The following PTK2 variants were observed in gnomAD, a reference collection of about 807,000 sequenced individuals.
PTK2 encodes the protein protein tyrosine kinase 2.
A neutral mutation model predicts 150.1 loss-of-function variants in PTK2; 45 were observed. That is an observed-to-expected ratio of 0.30 (90% CI 0.24 to 0.38). PTK2 has a LOEUF of 0.38. Among genes scored for constraint, PTK2 ranks in the 10% least tolerant of loss-of-function variants. PTK2 has a pLI of 1.00. For synonymous variants in PTK2, 432 were observed against 449.2 expected, an observed-to-expected ratio of 0.96 and a Z score of 0.48; for missense variants, 919 against 1,307.3, an observed-to-expected ratio of 0.70 and a Z score of 4.58.
At chr8:140,754,428 C>A (rs938041515) in intron 16 of PTK2, among the ~76,000 whole-genome samples, 8 of 152,128 alleles carry the variant, frequency 5.3e-5, no homozygotes, top group Admixed American at 2.0e-4. Flanking sequence ...CTTTTTCTAG[C>A]TAAATATGAG....
At chr8:140,689,519 T>C (rs1331859449) in intron 26 of PTK2, among the ~76,000 whole-genome samples, 4 of 152,220 alleles carry the variant, frequency 2.6e-5, no homozygotes, top group African/African-American at 7.2e-5. Flanking sequence ...AAAATATGAA[T>C]AGTCCATTGA....
At chr8:140,686,783 A>G (rs367725957) in intron 26 of PTK2, 89 bp from the exon 30 acceptor site, 15 of 1,104,106 alleles carry the variant, frequency 1.4e-5, no homozygotes, top group East Asian at 5.1e-5. Flanking sequence ...CCTTTTTAAC[A>G]CAATTGTCCT....
At chr8:140,871,356 T>C (rs1294960485) in intron 4 of PTK2, among the ~76,000 whole-genome samples, 2 of 152,226 alleles carry the variant, frequency 1.3e-5, no homozygotes, top group African/African-American at 4.8e-5. Context: ...GTTTACATAA[T>C]TGGTGACTGG....
At chr8:140,980,557 G>A (rs1033433229) in intron 1 of PTK2, among the ~76,000 whole-genome samples, 6 of 152,174 alleles carry the variant, frequency 3.9e-5, no homozygotes, top group Non-Finnish European at 7.4e-5. Context: ...GGGAGGCGGA[G>A]GTTGCAGTGA....
At chr8:140,847,757 T>C (rs1225070624) in intron 5 of PTK2, among the ~76,000 whole-genome samples, 5 of 152,210 alleles carry the variant, frequency 3.3e-5, no homozygotes, top group Non-Finnish European at 7.3e-5. Context: ...TGACCCTTTA[T>C]ATAAAAAGTG....
chr8:140,677,980 A>G lies in PTK2; in HGVS notation c.2563-2481T>C, dbSNP rs138816791. 2.4e-3 allele frequency among the ~76,000 whole-genome samples: 342 copies of G among 142,170 alleles called. 1 individual carries two copies. Among genetic ancestry groups the G allele is most frequent in the African/African-American group, 7.3e-3 (297 of 40,814 alleles). The allele number at this position is 142,170 out of a possible 152,430, so 93.3% of individuals were successfully genotyped here. A position where few individuals can be genotyped will look rare whatever the true frequency, so the allele number is the denominator to read the frequency against. Reference sequence around the variant, plus strand: ...GTATATTCTGTGTTCTGTTAGGAGAAGCTGTGTCCCACAAAGAAAGGAGAT... The same window carrying G: ...GTATATTCTGTGTTCTGTTAGGAGAGGCTGTGTCCCACAAAGAAAGGAGAT... On this transcript the variant is annotated intron_variant, in intron 27 of 31. Coordinates refer to ENST00000522684, the Ensembl canonical transcript of PTK2.
intron 2 of PTK2, among the ~76,000 whole-genome samples, chr8:140,907,795 G>T (rs11777839): frequency 0.42 from 63,375 of 151,992 alleles, 15,145 homozygotes; most frequent in Non-Finnish European, 0.55. Flanking sequence ...CACGTTAAGA[G>T]AGCGAGCTTA....
At chr8:140,847,117 T>C (rs2100126063) in intron 5 of PTK2, among the ~76,000 whole-genome samples, 2 of 152,090 alleles carry the variant, frequency 1.3e-5, no homozygotes, top group Admixed American at 1.3e-4. Context: ...CTGTCAAAAG[T>C]AAAAACAAGA....
At chr8:140,865,786 TTCTC>T (rs957309161) in intron 4 of PTK2, among the ~76,000 whole-genome samples, 2 of 152,152 alleles carry the variant, frequency 1.3e-5, no homozygotes, top group East Asian at 3.9e-4. Context: ...TGTGAACTAT[TTCTC>T]TCTCTTTTTT....
chr8:140,839,361 T>C (rs1217121285), intron 7 of PTK2, among the ~76,000 whole-genome samples: 1 of 152,186 alleles, frequency 6.6e-6, no homozygotes, highest in East Asian at 1.9e-4. Context: ...CACCAGCCTC[T>C]AATCCAAGCC....
chr8:140,848,584 T>C (rs2100127123), intron 5 of PTK2, among the ~76,000 whole-genome samples: 1 of 152,202 alleles, frequency 6.6e-6, no homozygotes, highest in Non-Finnish European at 1.5e-5. Context: ...CACTCAAGAC[T>C]GACCAACCGG....
At position 140,779,299 on chromosome 8, in the gene PTK2, C is replaced by T. The variant is rs113249247; in HGVS notation, c.1177+10175G>A. On this transcript the variant is annotated intron_variant, in intron 14 of 31. Coordinates refer to ENST00000522684, the Ensembl canonical transcript of PTK2. Reference sequence around the variant, plus strand: ...GAAGACATGCTGGAGGAATTGCCTACCATGAATATTGAAATCCTCCCAAAC... The same window carrying T: ...GAAGACATGCTGGAGGAATTGCCTATCATGAATATTGAAATCCTCCCAAAC... Among the ~76,000 whole-genome samples, 580 of 150,868 alleles carry T rather than the reference C, an allele frequency of 3.8e-3. 4 individuals are homozygous for T. The highest frequency in any genetic ancestry group is 0.013 in the African/African-American group (553 of 41,092).
At chr8:140,681,701 C>T (rs1042339987) in intron 27 of PTK2, among the ~76,000 whole-genome samples, 12 of 152,168 alleles carry the variant, frequency 7.9e-5, no homozygotes, top group East Asian at 1.9e-4. Flanking sequence ...GGTGTGAACC[C>T]GGGAGGTGGA....
At chr8:140,773,786 AAG>A (rs889823899) in intron 14 of PTK2, among the ~76,000 whole-genome samples, 5 of 152,192 alleles carry the variant, frequency 3.3e-5, no homozygotes, top group Non-Finnish European at 7.3e-5. Context: ...TTTAAAGGAA[AAG>A]AGAGAGTTCC....
At chr8:140,754,881 G>C (rs1310746978) in intron 16 of PTK2, among the ~76,000 whole-genome samples, 1 of 152,218 alleles carries the variant, frequency 6.6e-6, no homozygotes. Context: ...AGTAAGACCA[G>C]AACGTGTGCA....
intron 1 of PTK2, among the ~76,000 whole-genome samples, chr8:140,931,873 T>C (rs1008705941): frequency 8.0e-6 from 1 of 125,392 alleles, no homozygotes; most frequent in African/African-American, 3.2e-5. Context: ...GTGGAGGCTA[T>C]AATGAGCCAT....
intron 22 of PTK2, among the ~76,000 whole-genome samples, chr8:140,730,377 T>C (rs529293511): frequency 9.8e-5 from 15 of 152,358 alleles, no homozygotes; most frequent in African/African-American, 3.4e-4. Flanking sequence ...ATAACATGGA[T>C]TAATCCCACA....
chr8:140,754,306 C>T (rs1220376462), intron 16 of PTK2, among the ~76,000 whole-genome samples: 1 of 152,190 alleles, frequency 6.6e-6, no homozygotes, highest in Admixed American at 6.5e-5. Context: ...AGTTTACAAC[C>T]TTAGAATCAT....
intron 7 of PTK2, among the ~76,000 whole-genome samples, chr8:140,836,814 C>A (rs56819175): frequency 0.016 from 2,423 of 152,150 alleles, 54 homozygotes; most frequent in African/African-American, 0.056. Context: ...AACAACTATA[C>A]AAACCACTAT....
Sources: gnomAD v4.1 joint callset for allele counts (sites outside exome capture counted in the v4.1 genomes callset) on GRCh38, gnomAD v4.1.1 for gene constraint, MANE v1.5 for transcripts, NCBI Gene and HGNC (gene_info 2026-07-23, HGNC 2026-07-21) for gene names.